PCDH11X: variants seen among roughly 807,000 people sequenced by gnomAD.
PCDH11X encodes the protein protocadherin 11 X-linked.
PCDH11X carries 18 observed loss-of-function variants against 53.3 expected under a neutral mutation model. That is an observed-to-expected ratio of 0.34 (90% CI 0.23 to 0.50). The LOEUF (loss-of-function observed/expected upper bound fraction) is 0.50. Ranked by LOEUF, PCDH11X falls within the 20% of genes least tolerant of loss-of-function variation. PCDH11X has a pLI of 0.98. For synonymous variants in PCDH11X, 279 were observed against 393.3 expected (o/e 0.71, Z 3.44); for missense variants, 570 against 1,032.4 (o/e 0.55, Z 6.14).
chrX:92,568,747 C>CA (rs375078287), intron 10 of PCDH11X, among the ~76,000 whole-genome samples: 3,572 of 107,826 alleles, frequency 0.033, 159 homozygotes, highest in African/African-American at 0.11. Flanking sequence ...CACAATTATG[C>CA]AAAAAAAATT....
intron 1 of PCDH11X, among the ~76,000 whole-genome samples, chrX:91,794,190 A>G (rs1472478475): frequency 8.9e-6 from 1 of 112,386 alleles, no homozygotes; most frequent in South Asian, 3.6e-4. Context: ...AAGCCTTTAC[A>G]TATAACCATT....
chrX:92,582,593 C>A (rs962116166), intron 10 of PCDH11X, among the ~76,000 whole-genome samples: 2 of 111,107 alleles, frequency 1.8e-5, no homozygotes, highest in African/African-American at 6.6e-5. Context: ...TCTGCTAGAG[C>A]AGTGCAGAAA....
chrX:92,322,835 G>A (rs2069245860), intron 8 of PCDH11X, among the ~76,000 whole-genome samples: 1 of 110,855 alleles, frequency 9.0e-6, no homozygotes, highest in South Asian at 3.8e-4. Flanking sequence ...TGATGAAGGG[G>A]ATACTTAATA....
intron 5 of PCDH11X, among the ~76,000 whole-genome samples, chrX:91,851,282 G>A (rs1171125890): frequency 3.6e-5 from 4 of 111,454 alleles, no homozygotes; most frequent in Non-Finnish European, 5.7e-5. Flanking sequence ...TTAAACCACT[G>A]TAGTTTTTCA....
chrX:92,581,058 G>C (rs1384066850), intron 10 of PCDH11X, among the ~76,000 whole-genome samples: 1 of 110,850 alleles, frequency 9.0e-6, no homozygotes, highest in Non-Finnish European at 1.9e-5. Context: ...CTTCTAATCA[G>C]CAATCTTGAC....
In PCDH11X at chrX:92,545,433, G is replaced by C. The variant is rs1049184486; in HGVS notation, c.3368-72831G>C. Among the ~76,000 whole-genome samples the C allele has an allele frequency of 7.5e-3, 613 of 82,149 alleles. 4 individuals are homozygous for C. The highest frequency in any genetic ancestry group is 9.7e-3 in the Non-Finnish European group (447 of 46,098). 71.3% of individuals were successfully genotyped at this position (82,149 alleles called of 115,157 possible). Reference sequence around the variant, plus strand: ...TTTTTTGTTTTTGAGGCGGAGTCTCGCTCTGTCACCCAGGCTGGAATGCAG... The same window carrying C: ...TTTTTTGTTTTTGAGGCGGAGTCTCCCTCTGTCACCCAGGCTGGAATGCAG... On this transcript the variant is annotated intron_variant, in intron 10 of 10. Transcript: ENST00000682573.
In PCDH11X at chrX:92,092,615, A is replaced by G. The variant is rs187750640; in HGVS notation, c.3034-108760A>G. ...GAGAGAGCTTCCAGGTCATAGGTAT[A>G]TGAGACAAACGTTTGCATTATTTTG... On this transcript the variant is annotated intron_variant, in intron 6 of 10. Coordinates refer to ENST00000682573, the MANE Select transcript of PCDH11X (RefSeq NM_032968.5). Among the ~76,000 whole-genome samples, 124 of 111,544 alleles carry G rather than the reference A, an allele frequency of 1.1e-3. 1 individual carries two copies. The highest frequency in any genetic ancestry group is 3.9e-3 in the African/African-American group (120 of 30,755).
chrX:92,449,282 T>C (rs760907614), intron 9 of PCDH11X, among the ~76,000 whole-genome samples: 1 of 111,999 alleles, frequency 8.9e-6, no homozygotes, highest in African/African-American at 3.2e-5. Context: ...ACTTTCAAAT[T>C]AACTTCTTGT....
chrX:91,966,718 C>T lies in PCDH11X; in HGVS notation c.3033+87445C>T, dbSNP rs192230980. 3.4e-3 allele frequency among the ~76,000 whole-genome samples: 381 copies of T among 110,949 alleles called. 1 individual carries two copies. The highest frequency in any genetic ancestry group is 0.012 in the African/African-American group (364 of 30,581). ...AAAAAAGAAATATTGAAAAGCTACC[C>T]GGTATTTTAACGGGCACGTATTTTT... On this transcript the variant is annotated intron_variant, in intron 6 of 10. Transcript: ENST00000682573.
Position 91,998,274 on chromosome X carries a change from A to T in PCDH11X, c.3033+119001A>T, listed in dbSNP as rs1345708875. On this transcript the variant is annotated intron_variant, in intron 6 of 10. Transcript: ENST00000682573. ...TCATAATTCTGTCTTGGTAAGTTGTATGTTTCCAGAAATTAATCTATTTCT... is the reference window on the plus strand; with the variant it reads ...TCATAATTCTGTCTTGGTAAGTTGTTTGTTTCCAGAAATTAATCTATTTCT... Among the ~76,000 whole-genome samples the T allele has an allele frequency of 2.7e-5, 3 of 109,833 alleles. No individual in the cohort carries two copies. In the East Asian group the frequency reaches 8.7e-4, roughly 32 times the overall value.
At chrX:91,881,435 AT>A (rs1338736175) in intron 6 of PCDH11X, among the ~76,000 whole-genome samples, 3 of 111,537 alleles carry the variant, frequency 2.7e-5, no homozygotes, top group Non-Finnish European at 5.7e-5. Context: ...TGACTTATTT[AT>A]TTCACAGCTT....
chrX:92,002,501 T>C (rs1174021881), intron 6 of PCDH11X, among the ~76,000 whole-genome samples: 1 of 107,427 alleles, frequency 9.3e-6, no homozygotes, highest in Non-Finnish European at 1.9e-5. Context: ...TATGGACATT[T>C]TAACAACATT....
intron 8 of PCDH11X, among the ~76,000 whole-genome samples, chrX:92,273,740 A>G (rs2068013185): frequency 9.0e-6 from 1 of 110,865 alleles, no homozygotes; most frequent in Non-Finnish European, 1.9e-5. Flanking sequence ...TGTCGTGTAG[A>G]ATTATTGGTG....
intron 7 of PCDH11X, among the ~76,000 whole-genome samples, chrX:92,240,470 T>C (rs1052086442): frequency 9.0e-6 from 1 of 111,727 alleles, no homozygotes; most frequent in Admixed American, 9.6e-5. Flanking sequence ...CTTTATGTCA[T>C]ATAATGCCAC....
chrX:91,989,683 G>T (rs1259973471), intron 6 of PCDH11X, among the ~76,000 whole-genome samples: 2 of 110,519 alleles, frequency 1.8e-5, no homozygotes, highest in Non-Finnish European at 3.8e-5. Flanking sequence ...GAAAAAAAAT[G>T]GTTGTATATC....
At chrX:92,265,911 G>A (rs1453931352) in intron 8 of PCDH11X, among the ~76,000 whole-genome samples, 1 of 112,103 alleles carries the variant, frequency 8.9e-6, no homozygotes, top group East Asian at 2.8e-4. Flanking sequence ...AGGTGCTAAA[G>A]ATGTTTCTGG....
chrX:92,341,620 C>T (rs1342230614), intron 8 of PCDH11X, among the ~76,000 whole-genome samples: 4 of 110,755 alleles, frequency 3.6e-5, no homozygotes, highest in Non-Finnish European at 7.6e-5. Context: ...GTCAGGGGTG[C>T]CACACTTTTA....
At chrX:92,480,936 A>C (rs917997005) in intron 10 of PCDH11X, among the ~76,000 whole-genome samples, 1 of 111,164 alleles carries the variant, frequency 9.0e-6, no homozygotes, top group African/African-American at 3.3e-5. Flanking sequence ...CATTCACAGC[A>C]GCGACAGAGG....
At chrX:92,302,134 C>G (rs1277970770) in intron 8 of PCDH11X, among the ~76,000 whole-genome samples, 1 of 111,667 alleles carries the variant, frequency 9.0e-6, no homozygotes, top group Admixed American at 9.5e-5. Context: ...CCTCACCTCT[C>G]AGCTGCATTT....
Sources: gnomAD v4.1 joint callset for allele counts (sites outside exome capture counted in the v4.1 genomes callset) on GRCh38, gnomAD v4.1.1 for gene constraint, MANE v1.5 for transcripts, NCBI Gene and HGNC (gene_info 2026-07-23, HGNC 2026-07-21) for gene names.